Variants in SMARCA2 observed in about 807,000 individuals in gnomAD.
SMARCA2 encodes SWI/SNF-related matrix-associated actin-dependent regulator of chromatin subfamily A member 2.
Under a neutral mutation model 199.8 loss-of-function variants are expected in SMARCA2, and 61 were observed. The observed-to-expected ratio is 0.31, with a 90% CI of 0.25 to 0.38. SMARCA2 has a LOEUF of 0.38. SMARCA2 is among the 10% of genes least tolerant of loss of function. SMARCA2 has a pLI of 1.00. For synonymous variants in SMARCA2, 935 were observed against 732.0 expected (o/e 1.28, Z -4.48); for missense variants, 1,344 against 2,012.2 (o/e 0.67, Z 6.35).
chr9:2,098,651 A>T (rs1822373106), intron 21 of SMARCA2, among the ~76,000 whole-genome samples: 1 of 152,184 alleles, frequency 6.6e-6, no homozygotes, highest in African/African-American at 2.4e-5. Context: ...ACAACACTTT[A>T]AAAATCTCAT....
intron 28 of SMARCA2, among the ~76,000 whole-genome samples, chr9:2,162,395 CTCTT>C (rs1825729084): frequency 1.3e-5 from 2 of 152,270 alleles, no homozygotes; most frequent in East Asian, 3.9e-4. Context: ...CTTGAATTAT[CTCTT>C]TCTTCCTAAT....
At chr9:2,096,572 A>G (rs1400975899) in intron 19 of SMARCA2, 85 bp from the exon 20 acceptor site, 2 of 821,124 alleles carry the variant, frequency 2.4e-6, no homozygotes, top group South Asian at 1.4e-5. Flanking sequence ...TTGTGCTTCC[A>G]GGAGTGACAC....
rs993921336 is a variant in SMARCA2 at position 2,110,571 on chromosome 9, C to T, written c.3456+154C>T. On this transcript the variant is annotated intron_variant, in intron 24 of 33. Transcript: ENST00000349721. The surrounding 1 kb of genome is among the most constrained non-coding windows in gnomAD (Gnocchi z 4.8). ...AATTCTTCTGGCTGTTTTCTTATCT[C>T]CCTTAGAGCATAGATACGAGGTCCC... 6.6e-6 allele frequency among the ~76,000 whole-genome samples: 1 copy of T among 152,214 alleles called. No homozygotes were observed. Among genetic ancestry groups the T allele is most frequent in the African/African-American group, 2.4e-5 (1 of 41,444 alleles).
At chr9:2,141,470 A>G (rs1824455968) in intron 27 of SMARCA2, among the ~76,000 whole-genome samples, 1 of 151,934 alleles carries the variant, frequency 6.6e-6, no homozygotes, top group Non-Finnish European at 1.5e-5. Flanking sequence ...ATGTAATGGC[A>G]CAAGGTAATG....
At position 2,071,632 on chromosome 9, in the gene SMARCA2, G is replaced by T. The variant is rs537801477; in HGVS notation, c.1746+1161G>T. ...ACACGTGTCCTGTTTGCTAAGGATTGCAACGTGGACATCTTGCTCTATTTT... is the reference window on the plus strand; with the variant it reads ...ACACGTGTCCTGTTTGCTAAGGATTTCAACGTGGACATCTTGCTCTATTTT... On this transcript the variant is annotated intron_variant, in intron 10 of 33. Transcript: ENST00000349721. Among the ~76,000 whole-genome samples, 7 of 152,240 alleles carry T rather than the reference G, an allele frequency of 4.6e-5. No homozygotes were observed. The East Asian group carries it at 1.4e-3, about 29-fold the overall frequency.
At chr9:2,030,905 A>C (rs1819035624) in intron 2 of SMARCA2, among the ~76,000 whole-genome samples, 1 of 152,226 alleles carries the variant, frequency 6.6e-6, no homozygotes, top group Non-Finnish European at 1.5e-5. Context: ...AAGTGTTGTA[A>C]TTTGATGATT....
chr9:2,088,888 T>TTTTTTTTA (rs1821925683), intron 19 of SMARCA2, among the ~76,000 whole-genome samples: 1 of 151,140 alleles, frequency 6.6e-6, no homozygotes, highest in African/African-American at 2.5e-5. Flanking sequence ...GATTTTTTTT[T>TTTTTTTTA]TTTTTTAAAT....
At chr9:2,073,679 A>T in intron 12 of SMARCA2, 56 bp downstream of exon 12, 3 of 1,334,602 alleles carry the variant, frequency 2.2e-6, no homozygotes, top group Non-Finnish European at 3.2e-6. Context: ...AGAGGAAGAA[A>T]TTCTTCCTGA....
chr9:2,055,011 T>A (rs1820290196), intron 6 of SMARCA2, among the ~76,000 whole-genome samples: 1 of 152,186 alleles, frequency 6.6e-6, no homozygotes, highest in African/African-American at 2.4e-5. Flanking sequence ...TGAAAAACCT[T>A]GGGAACAAGT....
intron 23 of SMARCA2, among the ~76,000 whole-genome samples, chr9:2,107,699 C>T (rs1311797952): frequency 6.6e-6 from 1 of 152,096 alleles, no homozygotes; most frequent in African/African-American, 2.4e-5. Context: ...ACTCCTTTGA[C>T]CAAATAATTT....
chr9:2,060,061 G>A (rs1820515885), intron 8 of SMARCA2, among the ~76,000 whole-genome samples: 2 of 137,880 alleles, frequency 1.5e-5, no homozygotes, highest in African/African-American at 2.7e-5. Flanking sequence ...CAGACTTCAG[G>A]TGCTAAGTGA....
In SMARCA2 at chr9:2,110,528, T is replaced by C; in HGVS notation, c.3456+111T>C. ...AGAGCAAATATCTAAACGAGTGGGC[T>C]GTTGCTTTCTTGGAGCCAATTCTTC... On this transcript the variant is annotated intron_variant, in intron 24 of 33. Coordinates refer to ENST00000349721, the MANE Select transcript of SMARCA2 (RefSeq NM_003070.5). This position sits in a 1 kb window ranked among gnomAD's most constrained non-coding sequence, Gnocchi z 4.8. The C allele has an allele frequency of 2.4e-6, 2 of 843,750 alleles. No homozygotes were observed. Among genetic ancestry groups the C allele is most frequent in the Non-Finnish European group, 3.4e-6 (2 of 585,572 alleles). 52.3% of individuals were successfully genotyped at this position (843,750 alleles called of 1,614,324 possible).
At position 2,016,081 on chromosome 9, in the gene SMARCA2, G is replaced by C. The variant is rs1244905308; in HGVS notation, c.-37+677G>C. 1.3e-5 allele frequency: 2 copies of C among 152,292 alleles called. No homozygotes were observed. Among genetic ancestry groups the C allele is most frequent in the African/African-American group, 4.8e-5 (2 of 41,454 alleles). 9.4% of individuals were successfully genotyped at this position (152,292 alleles called of 1,614,324 possible). The stretch of plus-strand genomic sequence containing the variant: ...GGCTCCGGCTGCGGAGACGTGAGCG[G>C]ATCGCAGCGGGAGAAGCCTGAGCTG... On this transcript the variant is annotated intron_variant, in intron 1 of 33. Coordinates refer to ENST00000349721, the MANE Select transcript of SMARCA2 (RefSeq NM_003070.5). This position sits in a 1 kb window ranked among gnomAD's most constrained non-coding sequence, Gnocchi z 5.6.
At chr9:2,065,668 T>C (rs1019922660) in intron 9 of SMARCA2, among the ~76,000 whole-genome samples, 2 of 152,190 alleles carry the variant, frequency 1.3e-5, no homozygotes, top group African/African-American at 4.8e-5. Flanking sequence ...GAGACATTTA[T>C]TTTAAATACA....
chr9:2,140,478 A>G (rs1465110854), intron 27 of SMARCA2, among the ~76,000 whole-genome samples: 2 of 152,168 alleles, frequency 1.3e-5, no homozygotes, highest in Non-Finnish European at 2.9e-5. Context: ...TTTATTTGCC[A>G]CCATTGTATC....
chr9:2,087,543 T>C (rs1198497912), intron 18 of SMARCA2, among the ~76,000 whole-genome samples: 1 of 149,930 alleles, frequency 6.7e-6, no homozygotes, highest in African/African-American at 2.4e-5. Flanking sequence ...TCTGCAGACC[T>C]TTTTTTTTTC....
At chr9:2,062,709 C>A (rs1266374154) in intron 9 of SMARCA2, among the ~76,000 whole-genome samples, 1 of 152,108 alleles carries the variant, frequency 6.6e-6, no homozygotes, top group Non-Finnish European at 1.5e-5. Context: ...TGAACACTTA[C>A]TATGAGCTAG....
chr9:2,065,476 G>A (rs941695685), intron 9 of SMARCA2, among the ~76,000 whole-genome samples: 4 of 151,950 alleles, frequency 2.6e-5, no homozygotes, highest in East Asian at 1.9e-4. Flanking sequence ...CTTACCAACC[G>A]CTATTATAAG....
intron 33 of SMARCA2, chr9:2,191,715 T>G (rs904869891): frequency 4.3e-6 from 1 of 232,734 alleles, no homozygotes; most frequent in African/African-American, 2.3e-5. Flanking sequence ...CGTAGCCAGT[T>G]AATATTTTAC....
Sources: allele counts gnomAD v4.1 joint callset (sites outside exome capture counted in the v4.1 genomes callset), GRCh38; gene constraint gnomAD v4.1.1; non-coding constraint Gnocchi (gnomAD v3.1); transcripts MANE v1.5; gene names NCBI Gene and HGNC (gene_info 2026-07-23, HGNC 2026-07-21).